IGBP1C: variants seen among roughly 807,000 people sequenced by gnomAD.
IGBP1C encodes immunoglobulin-binding protein 1 family member C.
At chr17:58,691,240 ATT>A in the IGBP1C span, among the ~76,000 whole-genome samples, 3 of 152,272 alleles carry the variant, frequency 2.0e-5, no homozygotes, top group East Asian at 5.8e-4. Flanking sequence ...GGCTATGGCC[ATT>A]TGAAATGTGT....
At chr17:58,690,231 A>G in the IGBP1C span, among the ~76,000 whole-genome samples, 8 of 151,572 alleles carry the variant, frequency 5.3e-5, no homozygotes, top group Non-Finnish European at 1.0e-4. Context: ...GAGTTACGCA[A>G]TCTCAGCTCA....
At chr17:58,661,171 G>C in the IGBP1C span, 2 of 808,718 alleles carry the variant, frequency 2.5e-6, no homozygotes, top group Non-Finnish European at 4.5e-6. Context: ...AAGCCGTGGA[G>C]GTAATAGCAC....
chr17:58,667,777 T>G, the IGBP1C span, among the ~76,000 whole-genome samples: 1 of 151,046 alleles, frequency 6.6e-6, no homozygotes, highest in South Asian at 2.1e-4. Context: ...CCCAGCTACT[T>G]GGGAGGCTGA....
At chr17:58,667,839 GCCGTGATCATGCCA>G in the IGBP1C span, among the ~76,000 whole-genome samples, 1 of 151,122 alleles carries the variant, frequency 6.6e-6, no homozygotes, top group Non-Finnish European at 1.5e-5. Context: ...GAGGCAATGA[GCCGTGATCATGCCA>G]CCGCACTCCA....
At chr17:58,688,215 T>A in the IGBP1C span, among the ~76,000 whole-genome samples, 1 of 152,008 alleles carries the variant, frequency 6.6e-6, no homozygotes, top group African/African-American at 2.4e-5. Flanking sequence ...CTGCCTCCCA[T>A]GTTCCAGCAA....
the IGBP1C span, among the ~76,000 whole-genome samples, chr17:58,690,748 A>G: frequency 8.5e-5 from 13 of 152,284 alleles, no homozygotes; most frequent in East Asian, 2.5e-3. Flanking sequence ...TCTTTGACCT[A>G]CCAAATGGGG....
chr17:58,687,346 G>T, the IGBP1C span, among the ~76,000 whole-genome samples: 1 of 152,034 alleles, frequency 6.6e-6, no homozygotes, highest in Non-Finnish European at 1.5e-5. Flanking sequence ...TCCACTAGAG[G>T]CAAGGTACCC....
At chr17:58,684,587 CG>C in the IGBP1C span, among the ~76,000 whole-genome samples, 1 of 151,120 alleles carries the variant, frequency 6.6e-6, no homozygotes, top group Non-Finnish European at 1.5e-5. Flanking sequence ...GTGAGAAGAT[CG>C]TGCCACTGCA....
the IGBP1C span, among the ~76,000 whole-genome samples, chr17:58,675,994 C>T: frequency 6.6e-6 from 1 of 152,092 alleles, no homozygotes; most frequent in East Asian, 1.9e-4. Flanking sequence ...TATCCCAGCA[C>T]GTTGGGAGGC....
the IGBP1C span, among the ~76,000 whole-genome samples, chr17:58,689,973 C>T: frequency 6.6e-6 from 1 of 151,682 alleles, no homozygotes; most frequent in Non-Finnish European, 1.5e-5. Flanking sequence ...CCTCAGCCTC[C>T]CGAGTAGCTG....
the IGBP1C span, chr17:58,661,267 A>G: frequency 2.5e-6 from 2 of 802,610 alleles, no homozygotes; most frequent in Admixed American, 3.4e-5. Context: ...AGTATTTTAT[A>G]AAGTGTTCGC....
chr17:58,665,812 G>A, the IGBP1C span, among the ~76,000 whole-genome samples: 2 of 152,020 alleles, frequency 1.3e-5, no homozygotes, highest in East Asian at 1.9e-4. Flanking sequence ...TTGGGAGGCC[G>A]AGGAGGGTGG....
At chr17:58,686,078 T>C in the IGBP1C span, among the ~76,000 whole-genome samples, 8 of 150,600 alleles carry the variant, frequency 5.3e-5, no homozygotes, top group East Asian at 2.0e-4. Flanking sequence ...AGGAGGATCA[T>C]GGTGGCTCGC....
At chr17:58,677,673 T>C in the IGBP1C span, 34 of 152,124 alleles carry the variant, frequency 2.2e-4, no homozygotes, top group Non-Finnish European at 4.0e-4. Context: ...CAGAATGCAA[T>C]GAGTGAACCT....
At chr17:58,673,482 CAA>C in the IGBP1C span, among the ~76,000 whole-genome samples, 1 of 83,982 alleles carries the variant, frequency 1.2e-5, no homozygotes, top group African/African-American at 5.4e-5. Flanking sequence ...GACTCCATCT[CAA>C]AAATAAATAA....
At chr17:58,661,372 G>A in the IGBP1C span, 3 of 923,696 alleles carry the variant, frequency 3.2e-6, no homozygotes, top group Non-Finnish European at 5.5e-6. Flanking sequence ...ACTTCAGGTC[G>A]GTGGAAGTAA....
At chr17:58,666,941 T>A in the IGBP1C span, among the ~76,000 whole-genome samples, 2 of 152,180 alleles carry the variant, frequency 1.3e-5, no homozygotes, top group Non-Finnish European at 2.9e-5. Context: ...TAGGCCTGGC[T>A]GGTCAGAGAG....
At chr17:58,669,686 A>T in the IGBP1C span, among the ~76,000 whole-genome samples, 1 of 147,610 alleles carries the variant, frequency 6.8e-6, no homozygotes, top group African/African-American at 2.5e-5. Flanking sequence ...GGGAGCTGAG[A>T]TCACGCCACT....
At chr17:58,682,331 C>G in the IGBP1C span, among the ~76,000 whole-genome samples, 2 of 151,650 alleles carry the variant, frequency 1.3e-5, no homozygotes, top group East Asian at 3.9e-4. Flanking sequence ...CATCTCAGCT[C>G]ACTGCCACAT....
Sources: allele counts gnomAD v4.1 joint callset (sites outside exome capture counted in the v4.1 genomes callset), GRCh38; gene constraint gnomAD v4.1.1; transcripts MANE v1.5; gene names NCBI Gene and HGNC (gene_info 2026-07-23, HGNC 2026-07-21).